Variants in MAPK10 observed in about 807,000 individuals in gnomAD.
The protein encoded by MAPK10 is JNK3 alpha protein kinase.
MAPK10 carries 25 observed loss-of-function variants against 59.3 expected under a neutral mutation model. The ratio of observed to expected loss-of-function variants is 0.42; its 90% CI spans 0.31 to 0.59. The LOEUF is 0.59. Ranked by LOEUF, MAPK10 falls within the 20% of genes least tolerant of loss-of-function variation. The probability of loss-of-function intolerance (pLI) is 0.15; values close to 1 mark genes in which losing one functional copy is unlikely to be tolerated. For synonymous variants in MAPK10, 190 were observed against 200.5 expected (o/e 0.95, Z 0.44); for missense variants, 351 against 568.9 (o/e 0.62, Z 3.90).
At chr4:86,179,863 A>G (rs2076503177) in intron 3 of MAPK10, among the ~76,000 whole-genome samples, 1 of 152,130 alleles carries the variant, frequency 6.6e-6, no homozygotes, top group South Asian at 2.1e-4. Flanking sequence ...CTTAAATGTA[A>G]GACCTAAAAC....
At chr4:86,200,617 G>A (rs1398885707) in intron 2 of MAPK10, among the ~76,000 whole-genome samples, 3 of 151,808 alleles carry the variant, frequency 2.0e-5, no homozygotes, top group East Asian at 3.9e-4. Flanking sequence ...ATTTATGAAC[G>A]TGTCTTTTTG....
chr4:86,214,511 T>TAA (rs70948783), intron 2 of MAPK10, among the ~76,000 whole-genome samples: 1,144 of 75,562 alleles, frequency 0.015, 21 homozygotes, highest in African/African-American at 0.04. Flanking sequence ...TAAGATTCCT[T>TAA]AAAAAAAAAA....
intron 1 of MAPK10, among the ~76,000 whole-genome samples, chr4:86,574,390 G>C (rs1478346491): frequency 1.3e-5 from 2 of 151,718 alleles, no homozygotes; most frequent in Non-Finnish European, 1.5e-5. Context: ...CTTTATAGCA[G>C]CATGATTTAT....
chr4:86,135,866 G>A (rs1464793548), intron 4 of MAPK10, among the ~76,000 whole-genome samples: 1 of 152,118 alleles, frequency 6.6e-6, no homozygotes, highest in Non-Finnish European at 1.5e-5. Context: ...GAAAACCAAG[G>A]CTCGAGAACT....
At position 86,546,898 on chromosome 4, in the gene MAPK10, T is replaced by C. The variant is rs1295417314; in HGVS notation, c.-263+47012A>G. ...AGTGAAACCCCATCTCTACTAAATA[T>C]ACAAAAAATTAGCTGGGCGTGGTGG... On this transcript the variant is annotated intron_variant, in intron 1 of 4. Transcript: ENST00000502302. Among the ~76,000 whole-genome samples, 3 of 151,508 alleles carry C rather than the reference T, an allele frequency of 2.0e-5. No homozygotes were observed. In the South Asian group the frequency reaches 6.3e-4, roughly 32 times the overall value.
intron 1 of MAPK10, chr4:86,429,696 G>T (rs1392932116): frequency 6.6e-6 from 1 of 151,946 alleles, no homozygotes; most frequent in East Asian, 1.9e-4. Context: ...CCAGCCATTG[G>T]GAAGGCTGAG....
intron 1 of MAPK10, among the ~76,000 whole-genome samples, chr4:86,512,004 C>A (rs1756311902): frequency 6.6e-6 from 1 of 152,030 alleles, no homozygotes; most frequent in Non-Finnish European, 1.5e-5. Flanking sequence ...CTGCTGAATT[C>A]ATGAAACTAC....
At chr4:86,347,125 T>A (rs1200166065) in intron 2 of MAPK10, among the ~76,000 whole-genome samples, 2 of 152,096 alleles carry the variant, frequency 1.3e-5, no homozygotes, top group Non-Finnish European at 2.9e-5. Flanking sequence ...AAAGTACAAA[T>A]AGAAAGAAAA....
At chr4:86,038,552 TA>T in intron 11 of MAPK10, among the ~76,000 whole-genome samples, 1 of 116,430 alleles carries the variant, frequency 8.6e-6, no homozygotes, top group East Asian at 2.2e-4. Context: ...TAGAGTTTTC[TA>T]ATTTTTTTTT....
At chr4:86,349,503 C>G (rs1443349853) in intron 2 of MAPK10, among the ~76,000 whole-genome samples, 1 of 152,088 alleles carries the variant, frequency 6.6e-6, no homozygotes, top group East Asian at 1.9e-4. Flanking sequence ...TACCCCCTGG[C>G]TAAGGTGGGA....
intron 4 of MAPK10, among the ~76,000 whole-genome samples, chr4:86,142,403 A>G (rs2063829310): frequency 6.6e-6 from 1 of 152,134 alleles, no homozygotes; most frequent in African/African-American, 2.4e-5. Context: ...AGAGCTATCC[A>G]TTTACATTCT....
Position 86,064,398 on chromosome 4 carries a change from A to T in MAPK10, c.986-8T>A. ...AGTCCCTGGCTTGGCTGGCTGAAAC[A>T]ATAAATGAGAAAAACAATTAGTAAG... On this transcript the variant is annotated splice_region_variant and splice_polypyrimidine_tract_variant and intron_variant, in intron 10 of 13. Coordinates refer to ENST00000641462, the MANE Select transcript of MAPK10 (RefSeq NM_138982.4). 4 of 1,610,578 alleles carry T rather than the reference A, an allele frequency of 2.5e-6. No homozygotes were observed. Among genetic ancestry groups the T allele is most frequent in the Non-Finnish European group, 3.4e-6 (4 of 1,179,070 alleles).
chr4:86,095,622 T>C lies in MAPK10; in HGVS notation c.802+2902A>G, dbSNP rs558448003. The stretch of plus-strand genomic sequence containing the variant: ...CAATATGCTTAAAATTGTGTAATTC[T>C]TCTGCCGATAAATAACTTGAATCAG... On this transcript the variant is annotated intron_variant, in intron 9 of 13. Transcript: ENST00000641462. 2.6e-5 allele frequency: 4 copies of C among 151,998 alleles called. No homozygotes were observed. In the South Asian group the frequency reaches 8.3e-4, roughly 31 times the overall value. 9.4% of individuals were successfully genotyped at this position (151,998 alleles called of 1,614,324 possible). A position where few individuals can be genotyped will look rare whatever the true frequency, so the allele number is the denominator to read the frequency against.
At chr4:86,423,762 T>TATATATATATATATATATATAG (rs1746853065) in intron 1 of MAPK10, among the ~76,000 whole-genome samples, 1 of 57,484 alleles carries the variant, frequency 1.7e-5, no homozygotes, top group Non-Finnish European at 4.3e-5. Flanking sequence ...ATTAGTGGGA[T>TATATATATATATATATATATAG]ATATATACAT....
At chr4:86,275,752 T>A (rs1390878284) in intron 2 of MAPK10, among the ~76,000 whole-genome samples, 1 of 152,008 alleles carries the variant, frequency 6.6e-6, no homozygotes, top group East Asian at 1.9e-4. Context: ...AGTGTAAAAA[T>A]ATATCCATTT....
intron 9 of MAPK10, among the ~76,000 whole-genome samples, chr4:86,069,642 C>A (rs2047408032): frequency 6.6e-6 from 1 of 152,028 alleles, no homozygotes; most frequent in African/African-American, 2.4e-5. Flanking sequence ...AAGTGCTTGT[C>A]ATTATAAATT....
intron 1 of MAPK10, among the ~76,000 whole-genome samples, chr4:86,403,545 C>T (rs1743983029): frequency 6.6e-6 from 1 of 151,952 alleles, no homozygotes; most frequent in Non-Finnish European, 1.5e-5. Context: ...AAAACAACAA[C>T]AAAACCTGAG....
chr4:86,023,812 A>AATATATATATATATAT lies in MAPK10; in HGVS notation c.1252+5369_1252+5384dup, dbSNP rs368982706. ...TTGGATGTTAAAAACAGATCAAATGAATATATATATATATATATATATATA... is the reference window on the plus strand; with the variant it reads ...TTGGATGTTAAAAACAGATCAAATGAATATATATATATATATATATATATATATATATATATATATA... On this transcript the variant is annotated intron_variant, in intron 13 of 13. Coordinates refer to ENST00000641462, the MANE Select transcript of MAPK10 (RefSeq NM_138982.4). 612 of 100,306 alleles carry AATATATATATATATAT rather than the reference A, an allele frequency of 6.1e-3. 2 individuals carry two copies. Among genetic ancestry groups the AATATATATATATATAT allele is most frequent in the African/African-American group, 7.3e-3 (177 of 24,320 alleles). The allele number at this position is 100,306 out of a possible 1,614,324, so 6.2% of individuals were successfully genotyped here.
At chr4:86,449,864 G>A (rs1750498182) in intron 1 of MAPK10, among the ~76,000 whole-genome samples, 1 of 152,200 alleles carries the variant, frequency 6.6e-6, no homozygotes, top group African/African-American at 2.4e-5. Flanking sequence ...CGCACAAAGG[G>A]CAGCCTCTGG....
Sources: gnomAD v4.1 joint callset for allele counts (sites outside exome capture counted in the v4.1 genomes callset) on GRCh38, gnomAD v4.1.1 for gene constraint, MANE v1.5 for transcripts, NCBI Gene and HGNC (gene_info 2026-07-23, HGNC 2026-07-21) for gene names.